The following VSIG4 variants were observed in gnomAD, a reference collection of about 807,000 sequenced individuals.
VSIG4 encodes V-set and immunoglobulin domain-containing protein 4.
A neutral mutation model predicts 23.4 loss-of-function variants in VSIG4; 34 were observed. The ratio of observed to expected loss-of-function variants is 1.45; its 90% CI spans 1.10 to 1.93. The LOEUF is 1.93. VSIG4 is among the 30% of genes most tolerant of loss of function. The probability of loss-of-function intolerance (pLI) is 0.00; values close to 1 mark genes in which losing one functional copy is unlikely to be tolerated. For missense variants in VSIG4, 433 were observed against 310.8 expected, an observed-to-expected ratio of 1.39 and a Z score of -2.96; for synonymous variants, 169 against 120.3, an observed-to-expected ratio of 1.41 and a Z score of -2.65.
rs200469222 is a variant in VSIG4, at chrX:66,032,462, G to A, written c.694+6C>T. ...AAGATGCTCACCAGGAAAGAGGGCC[G>A]CTCACCTTTGACCACAAACTTCACA... On this transcript the variant is annotated splice_donor_region_variant and intron_variant, in intron 3 of 7. Coordinates refer to ENST00000374737, the MANE Select transcript of VSIG4 (RefSeq NM_007268.3). The A allele has an allele frequency of 1.7e-5, 21 of 1,204,151 alleles. No individual in the cohort carries two copies. The South Asian group carries it at 1.9e-4, about 11-fold the overall frequency.
intron 5 of VSIG4, among the ~76,000 whole-genome samples, chrX:66,025,418 T>G (rs1028959275): frequency 9.0e-6 from 1 of 111,331 alleles, no homozygotes; most frequent in African/African-American, 3.3e-5. Flanking sequence ...GTTTTCACCT[T>G]CCCTTAGAAA....
intron 6 of VSIG4, among the ~76,000 whole-genome samples, chrX:66,024,456 A>T (rs1273077235): frequency 9.0e-6 from 1 of 111,731 alleles, no homozygotes; most frequent in Non-Finnish European, 1.9e-5. Flanking sequence ...CCCCACTCTC[A>T]GTTGTCTTTT....
At chrX:66,038,598 C>T (rs964754918) in intron 1 of VSIG4, among the ~76,000 whole-genome samples, 5 of 111,550 alleles carry the variant, frequency 4.5e-5, no homozygotes, top group East Asian at 5.6e-4. Context: ...TAAGCCCTAG[C>T]TCAAACCAAC....
intron 5 of VSIG4, among the ~76,000 whole-genome samples, chrX:66,025,633 T>A (rs982602414): frequency 1.8e-5 from 2 of 112,126 alleles, no homozygotes; most frequent in Non-Finnish European, 3.8e-5. Flanking sequence ...AAGAATCAAC[T>A]GGACTTGGCT....
chrX:66,033,586 C>A lies in VSIG4; in HGVS notation c.300G>T (p.Leu100Phe). 2 of 1,211,260 alleles carry A rather than the reference C, an allele frequency of 1.7e-6. No individual in the cohort carries two copies. Among genetic ancestry groups the A allele is most frequent in the Non-Finnish European group, 2.2e-6 (2 of 895,360 alleles). The change falls in exon 2 of 8, where the codon TTG becomes TTT. Residue 100 changes from leucine to phenylalanine, a missense_variant. Transcript: ENST00000374737. The stretch of plus-strand genomic sequence containing the variant: ...TCCGGTCATCCATCTCCAGGGTGCT[C>A]AATTGGAGGGATACATCTCCTGGAA... ...HKVPGDVSLQ[L>F]STLEMDDRSH...
intron 1 of VSIG4, among the ~76,000 whole-genome samples, chrX:66,036,973 A>AATATAATATATAATATAATATAATATATC (rs2085579119): frequency 4.1e-5 from 1 of 24,162 alleles, no homozygotes; most frequent in Non-Finnish European, 5.9e-5. Flanking sequence ...TATAATATAT[A>AATATAATATATAATATAATATAATATATC]ATATAATATA....
chrX:66,024,613 C>T (rs1344378636), intron 6 of VSIG4, among the ~76,000 whole-genome samples: 2 of 111,992 alleles, frequency 1.8e-5, no homozygotes, highest in Non-Finnish European at 3.8e-5. Context: ...ACTCTCTTCT[C>T]CTCTGGATCC....
intron 1 of VSIG4, among the ~76,000 whole-genome samples, chrX:66,037,052 TA>T: frequency 2.5e-5 from 1 of 39,917 alleles, no homozygotes; most frequent in African/African-American, 1.3e-4. Context: ...ATATATCATA[TA>T]ATATATATTA....
intron 7 of VSIG4, 107 bp from the exon 8 acceptor site, chrX:66,022,607 C>A: frequency 4.4e-6 from 5 of 1,143,182 alleles, no homozygotes; most frequent in Non-Finnish European, 5.8e-6. Context: ...GATCCTACCA[C>A]CCAGGGATTC....
rs189022987 is a variant in VSIG4 at position 66,033,513 on chromosome X, C to A, written c.373G>T (p.Val125Phe). 3.8e-4 allele frequency: 454 copies of A among 1,209,191 alleles called. 2 individuals carry two copies. The East Asian group carries it at 0.013, about 35-fold the overall frequency. Reference sequence around the variant, plus strand: ...AGCTCAGTAATCTTATCTCTCACGACTTGGTTGCCATCAGGAGTCTGCCAG... The same window carrying A: ...AGCTCAGTAATCTTATCTCTCACGAATTGGTTGCCATCAGGAGTCTGCCAG... Reference protein sequence around the residue: ...VTWQTPDGNQVVRDKITELRV... With the variant: ...VTWQTPDGNQFVRDKITELRV... Residue 125 changes from valine to phenylalanine, a missense_variant, in exon 2 of 8, where the codon GTC (valine) becomes TTC (phenylalanine). Physicochemically the swap from Val to Phe is conservative, Grantham distance 50 (BLOSUM62 -1). Coordinates refer to ENST00000374737, the MANE Select transcript of VSIG4 (RefSeq NM_007268.3).
At chrX:66,031,568 CAAT>C (rs1220853557) in intron 3 of VSIG4, among the ~76,000 whole-genome samples, 1 of 110,734 alleles carries the variant, frequency 9.0e-6, no homozygotes, top group Non-Finnish European at 1.9e-5. Context: ...CCTCAGAAGA[CAAT>C]AATTTTCAGA....
In VSIG4 at chrX:66,033,916, T is replaced by A. The variant is rs772865923; in HGVS notation, c.56-86A>T. ...GGTGACAGTGACAAACCTCAAAAGG[T>A]TTCTGAGAAATGCCACTCAACTTTC... On this transcript the variant is annotated intron_variant, in intron 1 of 7. Coordinates refer to ENST00000374737, the MANE Select transcript of VSIG4 (RefSeq NM_007268.3). 3.7e-5 allele frequency: 29 copies of A among 786,133 alleles called. No individual in the cohort carries two copies. In the African/African-American group the frequency reaches 6.1e-4, roughly 16 times the overall value. The allele number at this position is 786,133 out of a possible 1,213,427, so 64.8% of individuals were successfully genotyped here. A position where few individuals can be genotyped will look rare whatever the true frequency, so the allele number is the denominator to read the frequency against.
intron 6 of VSIG4, among the ~76,000 whole-genome samples, chrX:66,024,640 C>T (rs1056033926): frequency 1.1e-4 from 12 of 111,922 alleles, no homozygotes; most frequent in Non-Finnish European, 1.9e-4. Flanking sequence ...CATTAATTGT[C>T]TTCTCTAGTT....
chrX:66,021,983 G>C lies in VSIG4; in HGVS notation c.*280C>G. On this transcript the variant is annotated 3_prime_UTR_variant, in exon 8 of 8. Coordinates refer to ENST00000374737, the MANE Select transcript of VSIG4 (RefSeq NM_007268.3). ...TAGTGTCTGTAGGCATGATGACCAA[G>C]TCCTAGTGCTATGGGCATCTTCCCT... 9.7e-7 allele frequency: 1 copy of C among 1,028,375 alleles called. No homozygotes were observed. Among genetic ancestry groups the C allele is most frequent in the Non-Finnish European group, 1.3e-6 (1 of 757,777 alleles). 84.7% of individuals were successfully genotyped at this position (1,028,375 alleles called of 1,213,427 possible). A position where few individuals can be genotyped will look rare whatever the true frequency, so the allele number is the denominator to read the frequency against.
chrX:66,033,863 G>T (rs768663947), intron 1 of VSIG4, 33 bp from the exon 2 acceptor site: 30 of 1,110,730 alleles, frequency 2.7e-5, no homozygotes, highest in Non-Finnish European at 3.7e-5. Context: ...AGAAGCAAAC[G>T]TAGATGGCAT....
Position 66,034,626 on chromosome X carries a change from AG to A in VSIG4, c.56-797del, listed in dbSNP as rs2085513192. Among the ~76,000 whole-genome samples the A allele has an allele frequency of 2.7e-5, 3 of 110,190 alleles. No homozygotes were observed. The Admixed American group carries it at 2.9e-4, about 11-fold the overall frequency. ...GGATACATAGGAAAATTTCATCTTGAGGGGGAAAAGATTGCATCCATTTTTG... is the reference window on the plus strand; with the variant it reads ...GGATACATAGGAAAATTTCATCTTGAGGGGAAAAGATTGCATCCATTTTTG... On this transcript the variant is annotated intron_variant, in intron 1 of 7. Transcript: ENST00000374737.
intron 1 of VSIG4, among the ~76,000 whole-genome samples, chrX:66,036,130 CT>C (rs1451907331): frequency 7.6e-4 from 84 of 110,124 alleles, no homozygotes; most frequent in Non-Finnish European, 9.5e-4. Context: ...TCCCCTTTTA[CT>C]TTTTTTTTCC....
chrX:66,023,728 G>A (rs991147164), intron 6 of VSIG4, among the ~76,000 whole-genome samples: 8 of 112,226 alleles, frequency 7.1e-5, no homozygotes, highest in African/African-American at 2.6e-4. Flanking sequence ...GGAATTTTTG[G>A]AAATGAGACT....
At chrX:66,022,744 G>T in intron 7 of VSIG4, 97 bp downstream of exon 7, 3 of 1,200,850 alleles carry the variant, frequency 2.5e-6, no homozygotes, top group South Asian at 3.6e-5. Flanking sequence ...CTTAGGATTG[G>T]GTCTGTGCCA....
Sources: gnomAD v4.1 joint callset for allele counts (sites outside exome capture counted in the v4.1 genomes callset) on GRCh38, gnomAD v4.1.1 for gene constraint, MANE v1.5 for transcripts, NCBI Gene and HGNC (gene_info 2026-07-23, HGNC 2026-07-21) for gene names.